Variants in NRG2 observed in about 807,000 individuals in gnomAD.
NRG2 encodes neuregulin 2.
In NRG2, 27 loss-of-function variants were observed where a neutral mutation model predicts 73.9. That is an observed-to-expected ratio of 0.37 (90% CI 0.27 to 0.50). NRG2 has a LOEUF of 0.50. Among genes scored for constraint, NRG2 ranks in the 20% least tolerant of loss-of-function variants. The pLI, the probability that NRG2 is intolerant of heterozygous loss-of-function variation, is 0.96. For missense variants in NRG2, 1,126 were observed against 1,210.1 expected, an observed-to-expected ratio of 0.93 and a Z score of 1.03; for synonymous variants, 532 against 541.0, an observed-to-expected ratio of 0.98 and a Z score of 0.23.
At position 139,954,595 on chromosome 5, in the gene NRG2, G is replaced by A. The variant is rs545980254; in HGVS notation, c.701-67084C>T. Among the ~76,000 whole-genome samples the A allele has an allele frequency of 6.6e-6, 1 of 152,242 alleles. No homozygotes were observed. Among genetic ancestry groups the A allele is most frequent in the South Asian group, 2.1e-4 (1 of 4,820 alleles). On this transcript the variant is annotated intron_variant, in intron 1 of 9. Transcript: ENST00000361474. This position sits in a 1 kb window ranked among gnomAD's most constrained non-coding sequence, Gnocchi z 5.0. The stretch of plus-strand genomic sequence containing the variant: ...GGTTCTCTGTGATTTAGCAACCCTG[G>A]ACGTCATCAATCCTCACTCCCATGG...
Position 139,865,061 on chromosome 5 carries a change from A to T in NRG2, c.1189+488T>A, listed in dbSNP as rs1762394772. 1 of 1,448,324 alleles carries T rather than the reference A, an allele frequency of 6.9e-7. No individual in the cohort carries two copies. Among genetic ancestry groups the T allele is most frequent in the East Asian group, 2.3e-5 (1 of 44,176 alleles). 89.7% of individuals were successfully genotyped at this position (1,448,324 alleles called of 1,614,324 possible). The stretch of plus-strand genomic sequence containing the variant: ...GCTAAGCAAGGCCCCATCCCTCCCC[A>T]GGGGGAGACTGTCAGTCACCAGGGA... On this transcript the variant is annotated intron_variant, in intron 5 of 9. Coordinates refer to ENST00000361474, the MANE Select transcript of NRG2 (RefSeq NM_004883.3). The surrounding 1 kb of genome is among the most constrained non-coding windows in gnomAD (Gnocchi z 5.2).
chr5:139,976,540 G>A (rs1303204037), intron 1 of NRG2, among the ~76,000 whole-genome samples: 1 of 152,180 alleles, frequency 6.6e-6, no homozygotes, highest in African/African-American at 2.4e-5. Flanking sequence ...ACTGGGCTTG[G>A]GGGAAGCAGA....
intron 1 of NRG2, among the ~76,000 whole-genome samples, chr5:139,983,536 C>T (rs1756962670): frequency 6.6e-6 from 1 of 152,250 alleles, no homozygotes; most frequent in East Asian, 1.9e-4. Context: ...TCCATTGCCC[C>T]TGGTTCTCCA....
chr5:139,879,650 T>C (rs114094121), intron 3 of NRG2, among the ~76,000 whole-genome samples: 69 of 152,256 alleles, frequency 4.5e-4, no homozygotes, highest in African/African-American at 1.6e-3. Context: ...TGTAGTTCTA[T>C]GGGGTGGGGA....
intron 5 of NRG2, chr5:139,864,953 C>T: frequency 1.4e-6 from 1 of 719,340 alleles, no homozygotes; most frequent in South Asian, 1.5e-5. Flanking sequence ...GAGGTACAGC[C>T]CACATGTGGA....
chr5:140,026,024 G>T (rs1760659857), intron 1 of NRG2, among the ~76,000 whole-genome samples: 1 of 152,172 alleles, frequency 6.6e-6, no homozygotes, highest in Non-Finnish European at 1.5e-5. Flanking sequence ...AGGAGAAGTG[G>T]AATCTCAGCT....
At position 139,852,752 on chromosome 5, in the gene NRG2, AC is replaced by A. The variant is rs2127003450; in HGVS notation, c.1416+151del. On this transcript the variant is annotated intron_variant, in intron 7 of 9. Transcript: ENST00000361474. The surrounding 1 kb of genome is among the most constrained non-coding windows in gnomAD (Gnocchi z 4.4). ...ACCCCTTCCTCATGGAAGTGAGCAA[AC>A]CAAGGCCAGCCATCCTGGTGAGGCA... The A allele has an allele frequency of 3.6e-5, 52 of 1,453,700 alleles. No homozygotes were observed. In the South Asian group the frequency reaches 6.1e-4, roughly 17 times the overall value. The allele number at this position is 1,453,700 out of a possible 1,614,324, so 90.1% of individuals were successfully genotyped here. A position where few individuals can be genotyped will look rare whatever the true frequency, so the allele number is the denominator to read the frequency against.
At chr5:140,019,570 C>T (rs1760060181) in intron 1 of NRG2, 2 of 152,226 alleles carry the variant, frequency 1.3e-5, no homozygotes, top group East Asian at 3.8e-4. Context: ...CTCCATGCCA[C>T]TGCTTTCCTT....
At chr5:139,857,559 C>G (rs914728329) in intron 5 of NRG2, among the ~76,000 whole-genome samples, 1 of 151,622 alleles carries the variant, frequency 6.6e-6, no homozygotes, top group Non-Finnish European at 1.5e-5. Context: ...TGAGGTTGAG[C>G]ATTTTTCCTA....
At chr5:139,968,995 G>A (rs1755783637) in intron 1 of NRG2, among the ~76,000 whole-genome samples, 1 of 152,244 alleles carries the variant, frequency 6.6e-6, no homozygotes, top group African/African-American at 2.4e-5. Context: ...CCGCCACCTG[G>A]TGGAAAGCTG....
chr5:139,923,264 TA>T (rs1035274953), intron 1 of NRG2, among the ~76,000 whole-genome samples: 1 of 151,846 alleles, frequency 6.6e-6, no homozygotes, highest in African/African-American at 2.4e-5. Flanking sequence ...AAAACTGCTC[TA>T]AAAAAAAGTA....
intron 1 of NRG2, among the ~76,000 whole-genome samples, chr5:139,917,717 T>C (rs1340566191): frequency 6.6e-6 from 1 of 152,186 alleles, no homozygotes; most frequent in Non-Finnish European, 1.5e-5. Flanking sequence ...AAATTGAATA[T>C]GTTCATTTTT....
chr5:140,007,290 C>T (rs558121654), intron 1 of NRG2, among the ~76,000 whole-genome samples: 6 of 152,106 alleles, frequency 3.9e-5, no homozygotes, highest in Non-Finnish European at 8.8e-5. Flanking sequence ...GCTTCACATC[C>T]TGTGCGAGCT....
intron 1 of NRG2, among the ~76,000 whole-genome samples, chr5:140,042,150 C>T (rs1761970954): frequency 6.6e-6 from 1 of 151,840 alleles, no homozygotes; most frequent in African/African-American, 2.4e-5. Context: ...GCGCCTCCCT[C>T]CGCCCCCCAC....
rs1205067654 is a variant in NRG2 at position 139,853,638 on chromosome 5, G to C, written c.1293-611C>G. 6.6e-6 allele frequency among the ~76,000 whole-genome samples: 1 copy of C among 152,154 alleles called. No homozygotes were observed. Among genetic ancestry groups the C allele is most frequent in the Non-Finnish European group, 1.5e-5 (1 of 68,036 alleles). On this transcript the variant is annotated intron_variant, in intron 6 of 9. Coordinates refer to ENST00000361474, the MANE Select transcript of NRG2 (RefSeq NM_004883.3). The surrounding 1 kb of genome is among the most constrained non-coding windows in gnomAD (Gnocchi z 4.1). ...GTGGCTAGGGAGTCAGGGCCTGTGG[G>C]ACTACTTCAGATTGGCACATATTAA...
intron 1 of NRG2, among the ~76,000 whole-genome samples, chr5:139,926,808 C>G (rs924732347): frequency 1.3e-5 from 2 of 152,140 alleles, no homozygotes; most frequent in African/African-American, 4.8e-5. Context: ...GTAAATCTGT[C>G]CAGCGATTGA....
At chr5:140,027,833 G>A (rs1410042134) in intron 1 of NRG2, among the ~76,000 whole-genome samples, 1 of 152,164 alleles carries the variant, frequency 6.6e-6, no homozygotes, top group Admixed American at 6.5e-5. Context: ...ACATCTACAA[G>A]TAGGAAGCAG....
intron 2 of NRG2, among the ~76,000 whole-genome samples, chr5:139,884,128 G>A (rs1168081818): frequency 6.8e-5 from 10 of 145,990 alleles, no homozygotes; most frequent in East Asian, 2.1e-4. Context: ...GTTCTATAGC[G>A]GAGAAGGGGG....
chr5:139,858,011 C>A (rs1385094172), intron 5 of NRG2, among the ~76,000 whole-genome samples: 1 of 152,210 alleles, frequency 6.6e-6, no homozygotes, highest in Non-Finnish European at 1.5e-5. Context: ...ACCCTGCCCC[C>A]AGCCCAGGCT....
Sources: gnomAD v4.1 joint callset for allele counts (sites outside exome capture counted in the v4.1 genomes callset) on GRCh38, gnomAD v4.1.1 for gene constraint, Gnocchi (gnomAD v3.1) non-coding constraint, MANE v1.5 for transcripts, NCBI Gene and HGNC (gene_info 2026-07-23, HGNC 2026-07-21) for gene names.